Variants in MEF2D observed in about 807,000 individuals in gnomAD.
The protein encoded by MEF2D is myocyte-specific enhancer factor 2D.
A neutral mutation model predicts 59.3 loss-of-function variants in MEF2D; 10 were observed. The ratio of observed to expected loss-of-function variants is 0.17; its 90% CI spans 0.10 to 0.29. The LOEUF (loss-of-function observed/expected upper bound fraction) is 0.29, where lower values mean the gene tolerates loss of function less well. Among genes scored for constraint, MEF2D ranks in the 10% least tolerant of loss-of-function variants. The pLI, the probability that MEF2D is intolerant of heterozygous loss-of-function variation, is 1.00. For synonymous variants in MEF2D, 305 were observed against 295.0 expected, an observed-to-expected ratio of 1.03 and a Z score of -0.35; for missense variants, 508 against 699.4, an observed-to-expected ratio of 0.73 and a Z score of 3.09.
At position 156,467,655 on chromosome 1, in the gene MEF2D, G is replaced by A; in HGVS notation, c.1556C>T (p.Thr519Ile). The A allele has an allele frequency of 7.5e-7, 1 of 1,334,614 alleles. No homozygotes were observed. Among genetic ancestry groups the A allele is most frequent in the South Asian group, 2.8e-5 (1 of 35,670 alleles). 82.7% of individuals were successfully genotyped at this position (1,334,614 alleles called of 1,614,324 possible). A position where few individuals can be genotyped will look rare whatever the true frequency, so the allele number is the denominator to read the frequency against. ...AVKRMRLDTW[T>I]LK ...GGGGAGTGGGAATCGTCACTTTAATGTCTGTGAAGAGAGGAGATGGAGAAG... is the reference window on the plus strand; with the variant it reads ...GGGGAGTGGGAATCGTCACTTTAATATCTGTGAAGAGAGGAGATGGAGAAG... The change falls in exon 12 of 12, where the codon ACA becomes ATA. Residue 519 changes from threonine to isoleucine, a missense_variant and splice_region_variant. Coordinates refer to ENST00000348159, the MANE Select transcript of MEF2D (RefSeq NM_005920.4).
rs1423624736 is a variant in MEF2D at position 156,487,074 on chromosome 1, C to G, written c.-138-3644G>C. ...GGTGCAGAGGGTGAGACTCTAAAGT[C>G]TTCTAAGGAGCAGCCCTGAGCACAT... is the stretch of plus-strand genomic sequence containing the variant. On this transcript the variant is annotated intron_variant, in intron 1 of 11. Transcript: ENST00000348159. Among the ~76,000 whole-genome samples the G allele has an allele frequency of 2.0e-5, 3 of 152,322 alleles. No individual in the cohort carries two copies. In the East Asian group the frequency reaches 5.8e-4, roughly 29 times the overall value.
At chr1:156,473,400 G>C (rs1192594980) in intron 9 of MEF2D, among the ~76,000 whole-genome samples, 1 of 152,190 alleles carries the variant, frequency 6.6e-6, no homozygotes, top group South Asian at 2.1e-4. Context: ...GGAGGCTTGG[G>C]GAAGGGGGAG....
intron 1 of MEF2D, among the ~76,000 whole-genome samples, chr1:156,500,185 C>T (rs987604012): frequency 6.6e-6 from 1 of 152,196 alleles, no homozygotes; most frequent in Non-Finnish European, 1.5e-5. Context: ...AAACCCCCTA[C>T]ACGAACAGGC....
chr1:156,464,277 T>C lies in MEF2D; in HGVS notation c.*3368A>G, dbSNP rs1670697317. ...AAATATATAGAGATATAGATATTTC[T>C]AGATACACTTTTACATTTCTGTCTC... is the stretch of plus-strand genomic sequence containing the variant. On this transcript the variant is annotated 3_prime_UTR_variant, in exon 12 of 12. Coordinates refer to ENST00000348159, the MANE Select transcript of MEF2D (RefSeq NM_005920.4). The C allele has an allele frequency of 6.6e-6, 1 of 152,488 alleles. No individual in the cohort carries two copies. Among genetic ancestry groups the C allele is most frequent in the Non-Finnish European group, 1.5e-5 (1 of 68,016 alleles). The allele number at this position is 152,488 out of a possible 1,614,324, so 9.4% of individuals were successfully genotyped here.
Position 156,483,304 on chromosome 1 carries a change from G to A in MEF2D, c.-12C>T, listed in dbSNP as rs28730744. The A allele has an allele frequency of 3.1e-6, 5 of 1,613,914 alleles. No individual in the cohort carries two copies. The highest frequency in any genetic ancestry group is 1.3e-5 in the African/African-American group (1 of 74,898). Reference sequence around the variant, plus strand: ...TTTTTCCTCCCCATCTTCTCCGGGGGTCCTCAGTGCTACGGAGGGGAGGGG... The same window carrying A: ...TTTTTCCTCCCCATCTTCTCCGGGGATCCTCAGTGCTACGGAGGGGAGGGG... On this transcript the variant is annotated 5_prime_UTR_variant, in exon 2 of 12. Transcript: ENST00000348159.
chr1:156,483,207 A>G (rs1409580084), intron 2 of MEF2D, 32 bp downstream of exon 2: 3 of 1,612,756 alleles, frequency 1.9e-6, no homozygotes, highest in Admixed American at 1.7e-5. Flanking sequence ...CCCTGCCCTC[A>G]CCCACTTCGT....
chr1:156,475,338 C>T, intron 8 of MEF2D, 101 bp from the exon 9 acceptor site: 3 of 1,413,650 alleles, frequency 2.1e-6, no homozygotes, highest in Non-Finnish European at 2.8e-6. Flanking sequence ...ATCCCAAAGC[C>T]AAGGCGGGGT....
chr1:156,481,917 A>T (rs1012440483), intron 3 of MEF2D, among the ~76,000 whole-genome samples: 10 of 152,258 alleles, frequency 6.6e-5, no homozygotes, highest in Admixed American at 6.5e-5. Flanking sequence ...TGGCCGGTAA[A>T]GGTCAGAACT....
chr1:156,497,963 GAGGGCCTATCCCCA>G (rs1673228314), intron 1 of MEF2D, among the ~76,000 whole-genome samples: 1 of 151,840 alleles, frequency 6.6e-6, no homozygotes, highest in Non-Finnish European at 1.5e-5. Context: ...CATAATCAAT[GAGGGCCTATCCCCA>G]AGGCCTCCTC....
At position 156,467,470 on chromosome 1, in the gene MEF2D, A is replaced by T. The variant is rs931383339; in HGVS notation, c.*175T>A. The T allele has an allele frequency of 1.4e-4, 43 of 315,562 alleles. No individual in the cohort carries two copies. Among genetic ancestry groups the T allele is most frequent in the African/African-American group, 6.4e-4 (29 of 45,430 alleles). The allele number at this position is 315,562 out of a possible 1,614,324, so 19.5% of individuals were successfully genotyped here. On this transcript the variant is annotated 3_prime_UTR_variant, in exon 12 of 12. Coordinates refer to ENST00000348159, the MANE Select transcript of MEF2D (RefSeq NM_005920.4). ...CAAAGCGAGAATCCAAATTAAAAAA[A>T]ATATAATAATAATAATAATAATATA... is the stretch of plus-strand genomic sequence containing the variant.
At chr1:156,480,804 G>A in intron 4 of MEF2D, 30 bp downstream of exon 4, 1 of 1,589,562 alleles carries the variant, frequency 6.3e-7, no homozygotes, top group South Asian at 1.1e-5. Context: ...GGAAGGGGGG[G>A]CCAACAGAGA....
At chr1:156,500,162 C>T (rs955144878) in intron 1 of MEF2D, among the ~76,000 whole-genome samples, 2 of 152,132 alleles carry the variant, frequency 1.3e-5, no homozygotes, top group African/African-American at 2.4e-5. Context: ...CCAGACCGCT[C>T]GGAGGCCGTC....
intron 1 of MEF2D, among the ~76,000 whole-genome samples, chr1:156,499,867 C>T (rs1673376911): frequency 1.3e-5 from 2 of 152,050 alleles, no homozygotes; most frequent in South Asian, 2.1e-4. Context: ...ACTCCACAGG[C>T]ACCCGGCAAA....
chr1:156,499,308 T>C (rs1328443025), intron 1 of MEF2D: 1 of 152,370 alleles, frequency 6.6e-6, no homozygotes, highest in Non-Finnish European at 1.5e-5. Flanking sequence ...AAAACTCAAA[T>C]GGGGGTTGGG....
chr1:156,486,744 G>C (rs1672393386), intron 1 of MEF2D, among the ~76,000 whole-genome samples: 1 of 152,208 alleles, frequency 6.6e-6, no homozygotes, highest in African/African-American at 2.4e-5. Context: ...TCCTCTATGA[G>C]ACTAAAGTTT....
intron 1 of MEF2D, among the ~76,000 whole-genome samples, chr1:156,496,026 C>T (rs549649338): frequency 2.3e-4 from 35 of 152,350 alleles, no homozygotes; most frequent in Admixed American, 3.9e-4. Context: ...GTGCCTCCCG[C>T]CCCCTTGGCT....
chr1:156,469,607 C>G lies in MEF2D; in HGVS notation c.1007-587G>C, dbSNP rs140918381. On this transcript the variant is annotated intron_variant, in intron 9 of 11. Transcript: ENST00000348159. ...TTGAACTTAAAAAAAAAAAAAAAAA[C>G]AGCTGGGCGAGTGGCTCATGTCTAT... is the stretch of plus-strand genomic sequence containing the variant. Among the ~76,000 whole-genome samples, 392 of 91,798 alleles carry G rather than the reference C, an allele frequency of 4.3e-3. 5 individuals carry two copies. Among genetic ancestry groups the G allele is most frequent in the African/African-American group, 0.015 (375 of 25,598 alleles). 60.2% of individuals were successfully genotyped at this position (91,798 alleles called of 152,430 possible).
intron 1 of MEF2D, among the ~76,000 whole-genome samples, chr1:156,495,762 C>CA (rs372092331): frequency 1.9e-4 from 15 of 78,010 alleles, no homozygotes; most frequent in South Asian, 5.9e-4. Context: ...GACCAGGGGG[C>CA]AAAAAAAAAA....
chr1:156,487,178 C>G (rs1048658209), intron 1 of MEF2D, among the ~76,000 whole-genome samples: 1 of 152,354 alleles, frequency 6.6e-6, no homozygotes, highest in East Asian at 1.9e-4. Context: ...CACCGCCCCC[C>G]CCACCCCCGC....
Sources: allele counts gnomAD v4.1 joint callset (sites outside exome capture counted in the v4.1 genomes callset), GRCh38; gene constraint gnomAD v4.1.1; transcripts MANE v1.5; gene names NCBI Gene and HGNC (gene_info 2026-07-23, HGNC 2026-07-21).